The following TCF12 variants were observed in gnomAD, a reference collection of about 807,000 sequenced individuals.
TCF12 encodes the protein transcription factor 12.
Under a neutral mutation model 86.0 loss-of-function variants are expected in TCF12, and 45 were observed. The ratio of observed to expected loss-of-function variants is 0.52; its 90% CI spans 0.41 to 0.67. The LOEUF is 0.67. Among genes scored for constraint, TCF12 ranks in the 30% least tolerant of loss-of-function variants. TCF12 has a pLI of 0.00. For missense variants in TCF12, 881 were observed against 859.9 expected, an observed-to-expected ratio of 1.02 and a Z score of -0.31; for synonymous variants, 330 against 299.6, an observed-to-expected ratio of 1.10 and a Z score of -1.05.
chr15:57,000,930 A>AT (rs1198776238), intron 3 of TCF12, among the ~76,000 whole-genome samples: 6 of 149,300 alleles, frequency 4.0e-5, no homozygotes, highest in African/African-American at 7.4e-5. Flanking sequence ...CTCTACAGCC[A>AT]TTTTTTTCCT....
intron 4 of TCF12, among the ~76,000 whole-genome samples, chr15:57,067,499 A>C (rs934973866): frequency 1.7e-4 from 22 of 130,058 alleles, no homozygotes; most frequent in African/African-American, 5.8e-4. Context: ...AGATCCCGCC[A>C]CTGCACTCCA....
intron 5 of TCF12, among the ~76,000 whole-genome samples, chr15:57,092,333 A>G (rs751005081): frequency 6.6e-6 from 1 of 152,230 alleles, no homozygotes. Context: ...ATTAAAACAT[A>G]GTATATTTAG....
At chr15:57,121,540 C>G (rs994722733) in intron 5 of TCF12, among the ~76,000 whole-genome samples, 6 of 152,154 alleles carry the variant, frequency 3.9e-5, no homozygotes, top group Non-Finnish European at 7.3e-5. Context: ...GAAAGGCGCA[C>G]CTTCTTGCCC....
chr15:56,924,051 C>T (rs1001544313), intron 3 of TCF12, among the ~76,000 whole-genome samples: 20 of 151,860 alleles, frequency 1.3e-4, no homozygotes, highest in African/African-American at 4.4e-4. Context: ...TTTAGATGTA[C>T]TTACAGGCTT....
intron 3 of TCF12, 55 bp from the exon 4 acceptor site, chr15:57,063,695 A>C: frequency 6.5e-7 from 1 of 1,527,344 alleles, no homozygotes; most frequent in Admixed American, 1.7e-5. Context: ...CCCGTACCAA[A>C]AAAATCCACA....
chr15:57,022,054 T>TATGTATG (rs2065519992), intron 3 of TCF12, among the ~76,000 whole-genome samples: 2 of 151,996 alleles, frequency 1.3e-5, no homozygotes, highest in African/African-American at 4.8e-5. Context: ...TTTCTTTTTT[T>TATGTATG]TATGTATGTA....
intron 8 of TCF12, among the ~76,000 whole-genome samples, chr15:57,213,324 G>T (rs545817468): frequency 2.6e-5 from 4 of 152,154 alleles, no homozygotes; most frequent in Admixed American, 2.6e-4. Flanking sequence ...AGATCTGTAT[G>T]ATTTCTTCCA....
At position 57,053,493 on chromosome 15, in the gene TCF12, G is replaced by C. The variant is rs1196675289; in HGVS notation, c.149-10257G>C. On this transcript the variant is annotated intron_variant, in intron 3 of 20. Coordinates refer to ENST00000333725, the MANE Select transcript of TCF12 (RefSeq NM_207037.2). Reference sequence around the variant, plus strand: ...AATGTAGTCCCACTTGTCTGTTTTTGCTTTTTTGTCTGTTTTTATTTTGTC... The same window carrying C: ...AATGTAGTCCCACTTGTCTGTTTTTCCTTTTTTGTCTGTTTTTATTTTGTC... Among the ~76,000 whole-genome samples the C allele has an allele frequency of 2.6e-5, 4 of 151,994 alleles. No individual in the cohort carries two copies. In the South Asian group the frequency reaches 6.2e-4, roughly 24 times the overall value.
intron 8 of TCF12, among the ~76,000 whole-genome samples, chr15:57,205,383 T>C (rs554763895): frequency 6.6e-6 from 1 of 152,336 alleles, no homozygotes; most frequent in South Asian, 2.1e-4. Context: ...GAATAAATAG[T>C]ATTTACATAA....
At chr15:57,125,310 T>C (rs1343623017) in intron 5 of TCF12, among the ~76,000 whole-genome samples, 1 of 152,268 alleles carries the variant, frequency 6.6e-6, no homozygotes, top group East Asian at 1.9e-4. Context: ...CTAAAGACTT[T>C]ATAATATTTC....
At chr15:57,034,249 A>T (rs1386818828) in intron 3 of TCF12, among the ~76,000 whole-genome samples, 1 of 152,276 alleles carries the variant, frequency 6.6e-6, no homozygotes, top group East Asian at 1.9e-4. Flanking sequence ...TAAATAAACT[A>T]TTATATTGTG....
At chr15:57,243,382 C>A in intron 12 of TCF12, 90 bp from the exon 13 acceptor site, 1 of 1,166,042 alleles carries the variant, frequency 8.6e-7, no homozygotes. Flanking sequence ...GGGGTGACAA[C>A]TAGATTATAA....
chr15:57,198,612 A>G (rs2057384647), intron 8 of TCF12, among the ~76,000 whole-genome samples: 1 of 152,168 alleles, frequency 6.6e-6, no homozygotes, highest in Admixed American at 6.5e-5. Flanking sequence ...TACAATTTTT[A>G]AATCTCTGGT....
intron 18 of TCF12, among the ~76,000 whole-genome samples, chr15:57,270,363 T>A (rs1236045779): frequency 1.3e-5 from 2 of 152,206 alleles, no homozygotes; most frequent in South Asian, 4.1e-4. Flanking sequence ...TATTGAAGCT[T>A]GTGTATGCTT....
chr15:56,942,252 A>T (rs1011612573), intron 3 of TCF12, among the ~76,000 whole-genome samples: 1 of 152,218 alleles, frequency 6.6e-6, no homozygotes, highest in Non-Finnish European at 1.5e-5. Context: ...GAATTTTGTG[A>T]AACAAAGCTA....
intron 4 of TCF12, among the ~76,000 whole-genome samples, chr15:57,067,304 G>A (rs1444400596): frequency 6.6e-6 from 1 of 152,064 alleles, no homozygotes; most frequent in African/African-American, 2.4e-5. Context: ...ACTTTGGGAG[G>A]CCGAGGCGGG....
chr15:57,095,945 G>C (rs1259096859), intron 5 of TCF12, among the ~76,000 whole-genome samples: 6 of 152,164 alleles, frequency 3.9e-5, no homozygotes, highest in Non-Finnish European at 5.9e-5. Flanking sequence ...GGACAATTAA[G>C]TGTTTCTTTC....
At chr15:56,938,641 CTT>C (rs11071300) in intron 3 of TCF12, among the ~76,000 whole-genome samples, 1,665 of 127,190 alleles carry the variant, frequency 0.013, 31 homozygotes, top group African/African-American at 0.044. Flanking sequence ...TGGTCCGAGA[CTT>C]TTTTTTTTTT....
chr15:56,940,776 G>A (rs1210084670), intron 3 of TCF12, among the ~76,000 whole-genome samples: 2 of 137,354 alleles, frequency 1.5e-5, no homozygotes, highest in East Asian at 4.2e-4. Context: ...CTTCTTCTGA[G>A]ATGAGGTCTA....
Sources: gnomAD v4.1 joint callset for allele counts (sites outside exome capture counted in the v4.1 genomes callset) on GRCh38, gnomAD v4.1.1 for gene constraint, MANE v1.5 for transcripts, NCBI Gene and HGNC (gene_info 2026-07-23, HGNC 2026-07-21) for gene names.